The following CNTN1 variants were observed in gnomAD, a reference collection of about 807,000 sequenced individuals.
CNTN1 encodes the protein contactin 1, also known as contactin-1.
A neutral mutation model predicts 126.4 loss-of-function variants in CNTN1; 38 were observed. The ratio of observed to expected loss-of-function variants is 0.30; its 90% CI spans 0.23 to 0.39. CNTN1 has a LOEUF of 0.39. Among genes scored for constraint, CNTN1 ranks in the 10% least tolerant of loss-of-function variants. The probability of loss-of-function intolerance (pLI) is 1.00; values close to 1 mark genes in which losing one functional copy is unlikely to be tolerated. For synonymous variants in CNTN1, 413 were observed against 422.6 expected (o/e 0.98, Z 0.28); for missense variants, 1,009 against 1,248.4 (o/e 0.81, Z 2.89).
At chr12:40,838,739 G>A (rs113025789) in intron 1 of CNTN1, among the ~76,000 whole-genome samples, 36 of 152,092 alleles carry the variant, frequency 2.4e-4, no homozygotes, top group African/African-American at 6.0e-4. Flanking sequence ...TACCCTACCC[G>A]AACAACTCCA....
chr12:40,925,600 TATATACGTGTATATATATATATACAC>T (rs1335456364), intron 6 of CNTN1, among the ~76,000 whole-genome samples: 1 of 145,626 alleles, frequency 6.9e-6, no homozygotes, highest in African/African-American at 2.5e-5. Flanking sequence ...TGTATATATA[TATATACGTGTATATATATATATACAC>T]ATATATATAT....
chr12:41,048,760 G>C (rs1056893516), intron 23 of CNTN1, among the ~76,000 whole-genome samples: 25 of 152,014 alleles, frequency 1.6e-4, no homozygotes, highest in African/African-American at 6.0e-4. Context: ...AGGAGAGAAA[G>C]AGAAGAAGGA....
intron 16 of CNTN1, among the ~76,000 whole-genome samples, chr12:40,988,295 C>G (rs528866421): frequency 6.6e-6 from 1 of 152,086 alleles, no homozygotes; most frequent in Non-Finnish European, 1.5e-5. Flanking sequence ...TGCGTACTTA[C>G]AAATATTTGG....
chr12:40,866,737 A>T (rs552297127), intron 1 of CNTN1, among the ~76,000 whole-genome samples: 3 of 152,106 alleles, frequency 2.0e-5, no homozygotes, highest in Non-Finnish European at 4.4e-5. Context: ...TAATTTTTAC[A>T]TTTGTGGATC....
intron 1 of CNTN1, among the ~76,000 whole-genome samples, chr12:40,704,205 T>G (rs899275617): frequency 1.3e-5 from 2 of 152,164 alleles, no homozygotes; most frequent in East Asian, 3.8e-4. Context: ...TCATAATTAT[T>G]TTTTAGGATT....
At chr12:40,846,245 C>G (rs938710515) in intron 1 of CNTN1, among the ~76,000 whole-genome samples, 15 of 152,010 alleles carry the variant, frequency 9.9e-5, no homozygotes, top group Non-Finnish European at 8.8e-5. Context: ...AAGGCTGAGG[C>G]GGGTGGATCA....
At chr12:40,870,768 C>T (rs911596989) in intron 1 of CNTN1, among the ~76,000 whole-genome samples, 29 of 151,914 alleles carry the variant, frequency 1.9e-4, no homozygotes, top group Admixed American at 6.6e-4. Context: ...ACATACCAAC[C>T]CAAACACACC....
rs1356264352 is a variant in CNTN1 at position 40,918,765 on chromosome 12, T to G, written c.221T>G (p.Val74Gly). The change falls in exon 4 of 24, where the codon GTT (valine) becomes GGT (glycine). Residue 74 changes from valine (V) to glycine (G), a missense_variant. Val to Gly is a moderately radical substitution (Grantham distance 109). Coordinates refer to ENST00000551295, the MANE Select transcript of CNTN1 (RefSeq NM_001843.4). ...AGGGCACGAGCCAGCCCTTTCCCGG[T>G]TTACAAGTAATGTACCTCGCTTCTC... ...NCRARASPFP[V>G]YKWRMNNGDV... 6.2e-6 allele frequency: 10 copies of G among 1,613,664 alleles called. No homozygotes were observed. The highest frequency in any genetic ancestry group is 8.5e-6 in the Non-Finnish European group (10 of 1,179,642).
chr12:40,823,043 T>C (rs1941501905), intron 1 of CNTN1, among the ~76,000 whole-genome samples: 2 of 152,200 alleles, frequency 1.3e-5, no homozygotes, highest in Admixed American at 6.5e-5. Context: ...AATGGGGGTA[T>C]ATATTTAAAC....
At chr12:40,986,611 A>G (rs1801438239) in intron 16 of CNTN1, among the ~76,000 whole-genome samples, 1 of 152,144 alleles carries the variant, frequency 6.6e-6, no homozygotes, top group Non-Finnish European at 1.5e-5. Context: ...TCTAAAGCCC[A>G]GAGTGCTCGG....
At chr12:40,771,894 C>T (rs1939348306) in intron 1 of CNTN1, among the ~76,000 whole-genome samples, 1 of 151,968 alleles carries the variant, frequency 6.6e-6, no homozygotes, top group South Asian at 2.1e-4. Flanking sequence ...TTCCTTAATG[C>T]TATGCCGAGG....
At chr12:40,787,098 T>A (rs1393420250) in intron 1 of CNTN1, among the ~76,000 whole-genome samples, 1 of 152,184 alleles carries the variant, frequency 6.6e-6, no homozygotes, top group Non-Finnish European at 1.5e-5. Context: ...TATATCAAGT[T>A]ATTTATTTAT....
chr12:40,858,405 C>A (rs1018880246), intron 1 of CNTN1, among the ~76,000 whole-genome samples: 2 of 152,138 alleles, frequency 1.3e-5, no homozygotes, highest in Non-Finnish European at 1.5e-5. Context: ...AGCTGAACAT[C>A]ACAGATTATT....
intron 5 of CNTN1, among the ~76,000 whole-genome samples, chr12:40,923,447 AAG>A (rs1224473684): frequency 6.6e-6 from 1 of 152,172 alleles, no homozygotes; most frequent in Non-Finnish European, 1.5e-5. Context: ...AAGGTCCAGG[AAG>A]AGAAGTAAGA....
chr12:40,806,087 G>A (rs1267736791), intron 1 of CNTN1, among the ~76,000 whole-genome samples: 1 of 152,100 alleles, frequency 6.6e-6, no homozygotes, highest in Non-Finnish European at 1.5e-5. Context: ...GCTGTTGCTT[G>A]ATACTCAGTG....
chr12:40,943,417 C>T (rs184834349), intron 12 of CNTN1, among the ~76,000 whole-genome samples, 180 bp from the exon 13 acceptor site: 2 of 151,808 alleles, frequency 1.3e-5, no homozygotes, highest in Non-Finnish European at 2.9e-5. Flanking sequence ...AACAAAATGT[C>T]AATGATGAGA....
chr12:40,747,101 T>C (rs1227359060), intron 1 of CNTN1, among the ~76,000 whole-genome samples: 1 of 152,114 alleles, frequency 6.6e-6, no homozygotes, highest in Non-Finnish European at 1.5e-5. Context: ...ATGGAGATAA[T>C]TAATCTGATA....
intron 23 of CNTN1, among the ~76,000 whole-genome samples, chr12:41,042,108 A>T (rs1243536321): frequency 6.6e-6 from 1 of 152,000 alleles, no homozygotes; most frequent in Non-Finnish European, 1.5e-5. Context: ...AGATTCTGGT[A>T]TGTTGTGTCT....
chr12:40,915,055 G>A (rs1240307074), intron 3 of CNTN1, among the ~76,000 whole-genome samples: 1 of 151,808 alleles, frequency 6.6e-6, no homozygotes, highest in Non-Finnish European at 1.5e-5. Context: ...AGATAAAAAA[G>A]CTACTTAAAA....
Sources: gnomAD v4.1 joint callset for allele counts (sites outside exome capture counted in the v4.1 genomes callset) on GRCh38, gnomAD v4.1.1 for gene constraint, MANE v1.5 for transcripts, NCBI Gene and HGNC (gene_info 2026-07-23, HGNC 2026-07-21) for gene names.